ZNF273: variants seen among roughly 807,000 people sequenced by gnomAD.
ZNF273 encodes the protein zinc finger protein 273.
A neutral mutation model predicts 14.9 loss-of-function variants in ZNF273; 11 were observed. The observed-to-expected ratio is 0.74, with a 90% CI of 0.46 to 1.22. The LOEUF is 1.22. ZNF273 is among the 50% of genes most tolerant of loss of function. The pLI is 0.00. For missense variants in ZNF273, 577 were observed against 660.6 expected (o/e 0.87, Z 1.39); for synonymous variants, 199 against 223.9 (o/e 0.89, Z 0.99).
intron 1 of ZNF273, among the ~76,000 whole-genome samples, chr7:64,910,704 G>GC (rs1554385658): frequency 6.9e-6 from 1 of 143,944 alleles, no homozygotes; most frequent in Non-Finnish European, 1.5e-5. Flanking sequence ...TTTTAAAATA[G>GC]TTTTTTTTTC....
At chr7:64,932,863 C>T (rs144044692), downstream of ZNF273, among the ~76,000 whole-genome samples, 1 of 152,234 alleles carries the variant, frequency 6.6e-6, no homozygotes, top group East Asian at 1.9e-4. Context: ...AACGTTTTCA[C>T]ACAGAATCTA....
At chr7:64,900,116 C>T (rs898263937), upstream of ZNF273, among the ~76,000 whole-genome samples, 12 of 150,898 alleles carry the variant, frequency 8.0e-5, no homozygotes, top group Non-Finnish European at 1.6e-4. Context: ...TCTTTTCTCT[C>T]TCTTTTTTTT....
At chr7:64,912,224 A>T (rs1793566167) in intron 1 of ZNF273, among the ~76,000 whole-genome samples, 1 of 151,916 alleles carries the variant, frequency 6.6e-6, no homozygotes. Context: ...CTCCCAAAGT[A>T]TGGGGATTAC....
downstream of ZNF273, chr7:64,889,332 C>T: frequency 1.0e-6 from 1 of 961,890 alleles, no homozygotes; most frequent in South Asian, 4.8e-5. The surrounding 1 kb of genome is among the most constrained non-coding windows in gnomAD (Gnocchi z 4.2). Flanking sequence ...CCACCGCGTC[C>T]CCTCCGCCCC....
chr7:64,883,209 T>TTAC (rs1554378859), downstream of ZNF273, among the ~76,000 whole-genome samples: 8 of 99,670 alleles, frequency 8.0e-5, no homozygotes, highest in African/African-American at 3.6e-4. Context: ...GGAGCCCAAA[T>TTAC]CACCACCCCC....
chr7:64,924,926 C>T (rs2129100040), intron 3 of ZNF273, among the ~76,000 whole-genome samples: 1 of 152,090 alleles, frequency 6.6e-6, no homozygotes, highest in East Asian at 1.9e-4. Context: ...TCTCAGCCTC[C>T]CAAGTAGCTG....
chr7:64,899,757 C>G (rs1792570760), upstream of ZNF273, among the ~76,000 whole-genome samples: 1 of 148,826 alleles, frequency 6.7e-6, no homozygotes, highest in Non-Finnish European at 1.5e-5. Flanking sequence ...ATTGTAATTT[C>G]AAGGTTTTTT....
intron 3 of ZNF273, among the ~76,000 whole-genome samples, chr7:64,921,637 T>TTTTTTTTTTTTTTG (rs750737426): frequency 2.0e-4 from 6 of 29,578 alleles, no homozygotes; most frequent in African/African-American, 6.2e-4. Flanking sequence ...TTTTTTTTTT[T>TTTTTTTTTTTTTTG]GTGTGTGAGA....
chr7:64,878,666 G>A (rs1025316817), intron 2 of ZNF273, among the ~76,000 whole-genome samples: 4 of 152,232 alleles, frequency 2.6e-5, no homozygotes, highest in African/African-American at 9.6e-5. Flanking sequence ...CAACATTTGG[G>A]GAACCACTGG....
chr7:64,910,976 G>T (rs112760086), intron 1 of ZNF273, among the ~76,000 whole-genome samples: 665 of 151,886 alleles, frequency 4.4e-3, no homozygotes, highest in Middle Eastern at 0.01. Flanking sequence ...GTGTTGGCCA[G>T]GTTGGTCTCA....
chr7:64,923,126 G>A (rs906338827), intron 3 of ZNF273, among the ~76,000 whole-genome samples: 9 of 151,810 alleles, frequency 5.9e-5, no homozygotes, highest in Admixed American at 1.3e-4. Context: ...ATTTTTTCCC[G>A]TTTTCATGGC....
At chr7:64,900,738 A>T (rs1460629646), upstream of ZNF273, among the ~76,000 whole-genome samples, 2 of 152,200 alleles carry the variant, frequency 1.3e-5, no homozygotes, top group African/African-American at 2.4e-5. Flanking sequence ...TGCACCGTAT[A>T]CAAATGGCAC....
At position 64,928,313 on chromosome 7, in the gene ZNF273, A is replaced by G. The variant is rs1426484767; in HGVS notation, c.985A>G (p.Ile329Val). The change falls in exon 4 of 4, where the codon ATA (isoleucine) becomes GTA (valine). Residue 329 changes from isoleucine to valine, a missense_variant. Coordinates refer to ENST00000476120, the MANE Select transcript of ZNF273 (RefSeq NM_021148.3). ...TGAAGAATGTGGCAAAGGCTTTAGT[A>G]TATTCTCAACCCTTACTAAACATAA... Reference protein sequence around the residue: ...NCEECGKGFSIFSTLTKHKII... With the variant: ...NCEECGKGFSVFSTLTKHKII... 4 of 1,613,172 alleles carry G rather than the reference A, an allele frequency of 2.5e-6. No individual in the cohort carries two copies. Among genetic ancestry groups the G allele is most frequent in the Non-Finnish European group, 2.5e-6 (3 of 1,179,680 alleles).
At chr7:64,885,353 A>G (rs572710579) in intron 1 of ZNF273, among the ~76,000 whole-genome samples, 1 of 152,118 alleles carries the variant, frequency 6.6e-6, no homozygotes, top group African/African-American at 2.4e-5. Context: ...AGATAAATGG[A>G]TCAGACAGAA....
chr7:64,921,510 T>C (rs906008787), intron 3 of ZNF273, among the ~76,000 whole-genome samples: 4 of 150,294 alleles, frequency 2.7e-5, no homozygotes, highest in South Asian at 2.1e-4. Context: ...ATGTTATACA[T>C]ACATACACAG....
At chr7:64,891,562 C>T (rs189864369), downstream of ZNF273, among the ~76,000 whole-genome samples, 49 of 152,296 alleles carry the variant, frequency 3.2e-4, no homozygotes, top group African/African-American at 1.1e-3. Flanking sequence ...ATCGTTGTGG[C>T]CCTGTCTGAA....
At position 64,903,301 on chromosome 7, in the gene ZNF273, CTCG is replaced by C; in HGVS notation, c.-14_-12del. The C allele has an allele frequency of 6.3e-7, 1 of 1,598,126 alleles. No homozygotes were observed. The highest frequency in any genetic ancestry group is 1.1e-5 in the South Asian group (1 of 90,602). ...TCTCGCTGCAGTCGCAGCTCCAGGT[CTCG>C]TCTTCACTGCTCTATGTCCTCTGCT... is the stretch of plus-strand genomic sequence containing the variant. On this transcript the variant is annotated 5_prime_UTR_variant, in exon 1 of 4. Coordinates refer to ENST00000476120, the MANE Select transcript of ZNF273 (RefSeq NM_021148.3).
At chr7:64,914,233 G>A (rs1793790382) in intron 1 of ZNF273, among the ~76,000 whole-genome samples, 1 of 124,970 alleles carries the variant, frequency 8.0e-6, no homozygotes, top group Non-Finnish European at 1.6e-5. Flanking sequence ...TATGGGGTTT[G>A]GCCATGTTGG....
At chr7:64,890,803 A>G (rs1449014079), downstream of ZNF273, among the ~76,000 whole-genome samples, 1 of 152,034 alleles carries the variant, frequency 6.6e-6, no homozygotes, top group Non-Finnish European at 1.5e-5. Context: ...GTGATGGGGC[A>G]AAGGCTGGTG....
Sources: allele counts gnomAD v4.1 joint callset (sites outside exome capture counted in the v4.1 genomes callset), GRCh38; gene constraint gnomAD v4.1.1; non-coding constraint Gnocchi (gnomAD v3.1); transcripts MANE v1.5; gene names NCBI Gene and HGNC (gene_info 2026-07-23, HGNC 2026-07-21).